MCM3AP: variants seen among roughly 807,000 people sequenced by gnomAD.
MCM3AP encodes minichromosome maintenance complex component 3 associated protein.
MCM3AP carries 126 observed loss-of-function variants against 184.1 expected under a neutral mutation model. The observed-to-expected ratio is 0.68, with a 90% CI of 0.59 to 0.79. The LOEUF (loss-of-function observed/expected upper bound fraction) is 0.79, where lower values mean the gene tolerates loss of function less well. MCM3AP is among the 30% of genes least tolerant of loss of function. The pLI, the probability that MCM3AP is intolerant of heterozygous loss-of-function variation, is 0.00. For synonymous variants in MCM3AP, 1,002 were observed against 979.3 expected, an observed-to-expected ratio of 1.02 and a Z score of -0.43; for missense variants, 2,496 against 2,479.2, an observed-to-expected ratio of 1.01 and a Z score of -0.14.
In MCM3AP at chr21:46,265,943, G is replaced by A; in HGVS notation, c.3013C>T (p.Pro1005Ser). ...AAELPVSTQRPGSDTVGGGRG... is the reference protein window; with the variant it reads ...AAELPVSTQRSGSDTVGGGRG... ...CACTCACCCACTGTGTCGGAGCCGG[G>A]TCTCTGGGTGCTGACGGGCAGCTCC... Residue 1005 changes from proline (P) to serine (S), a missense_variant, in exon 11 of 28, where the codon CCC becomes TCC. This residue lies in a region of MCM3AP where 1,323 missense variants were observed against 1,273.4 expected (regional missense o/e 1.04). Transcript: ENST00000291688. The A allele has an allele frequency of 1.3e-6, 2 of 1,588,366 alleles. No homozygotes were observed. Among genetic ancestry groups the A allele is most frequent in the Admixed American group, 1.7e-5 (1 of 58,862 alleles).
intron 13 of MCM3AP, among the ~76,000 whole-genome samples, chr21:46,262,990 A>G (rs1040080515): frequency 7.1e-6 from 1 of 140,878 alleles, no homozygotes; most frequent in Admixed American, 7.2e-5. Flanking sequence ...AAAAAAAAAG[A>G]AATGGAAAAC....
At chr21:46,262,558 G>A (rs2081053619) in intron 13 of MCM3AP, among the ~76,000 whole-genome samples, 1 of 152,058 alleles carries the variant, frequency 6.6e-6, no homozygotes, top group South Asian at 2.1e-4. Context: ...TGAGGTGAGA[G>A]GATGGCTTGA....
Position 46,267,041 on chromosome 21 carries a change from G to C in MCM3AP, c.2730C>G (p.Phe910Leu). The C allele has an allele frequency of 1.9e-6, 3 of 1,614,206 alleles. No homozygotes were observed. Among genetic ancestry groups the C allele is most frequent in the Non-Finnish European group, 2.5e-6 (3 of 1,180,048 alleles). The part of the protein sequence containing the change: ...PLDGVVRMLL[F>L]RDCEEATDFL... ...AGTCGGTGGCCTCTTCACAGTCTCT[G>C]AACAGCAGCATGCGCACCACACCAT... Residue 910 changes from phenylalanine to leucine, a missense_variant, in exon 10 of 28, where the codon TTC (phenylalanine) becomes TTG (leucine). Around this residue, in one of 5 missense-constraint regions of MCM3AP, gnomAD observed 138 missense variants for 191.9 expected, o/e 0.72. Coordinates refer to ENST00000291688, the MANE Select transcript of MCM3AP (RefSeq NM_003906.5).
Position 46,280,139 on chromosome 21 carries a change from T to C in MCM3AP, c.1523-2A>G. ...GGGAAAAGGGTTTCTTATTGGGGCCTGTGGACATAGGAGGCAGAAAAGAGT... is the reference window on the plus strand; with the variant it reads ...GGGAAAAGGGTTTCTTATTGGGGCCCGTGGACATAGGAGGCAGAAAAGAGT... On this transcript the variant is annotated splice_acceptor_variant, in intron 3 of 27. Transcript: ENST00000291688. LOFTEE classifies it high-confidence loss of function. The C allele has an allele frequency of 6.2e-7, 1 of 1,613,962 alleles. No individual in the cohort carries two copies. The highest frequency in any genetic ancestry group is 8.5e-7 in the Non-Finnish European group (1 of 1,179,942).
rs113149459 is a variant in MCM3AP at position 46,277,923 on chromosome 21, T to C, written c.1668-206A>G. 8.2e-3 allele frequency among the ~76,000 whole-genome samples: 1,247 copies of C among 152,294 alleles called. 8 individuals are homozygous for C. Among genetic ancestry groups the C allele is most frequent in the Non-Finnish European group, 9.3e-3 (630 of 68,028 alleles). On this transcript the variant is annotated intron_variant, in intron 4 of 27. Coordinates refer to ENST00000291688, the MANE Select transcript of MCM3AP (RefSeq NM_003906.5). Reference sequence around the variant, plus strand: ...ATTACTCACTGACTTTAATATAATTTTGAAATATTTCATACTTTTGAAAAA... The same window carrying C: ...ATTACTCACTGACTTTAATATAATTCTGAAATATTTCATACTTTTGAAAAA...
chr21:46,245,200 GAGAAGAA>G lies in MCM3AP; in HGVS notation c.4648-10_4648-4del, dbSNP rs753614241. ...AGCCACTGCACTGCTTGCAAAACCT[GAGAAGAA>G]AGAAGAGACTTGGTTGAACAATTCA... On this transcript the variant is annotated splice_region_variant and splice_polypyrimidine_tract_variant and intron_variant, in intron 22 of 27. Transcript: ENST00000291688. 30 of 1,575,614 alleles carry G rather than the reference GAGAAGAA, an allele frequency of 1.9e-5. No homozygotes were observed. Among genetic ancestry groups the G allele is most frequent in the African/African-American group, 2.8e-5 (2 of 70,196 alleles).
chr21:46,252,004 G>A (rs539558828), intron 19 of MCM3AP: 16 of 192,980 alleles, frequency 8.3e-5, no homozygotes, highest in African/African-American at 3.3e-4. Flanking sequence ...CTACAGGCAC[G>A]GGCCACCATG....
chr21:46,254,904 G>A (rs1601509065), intron 17 of MCM3AP, 60 bp from the exon 18 acceptor site: 5 of 1,243,446 alleles, frequency 4.0e-6, no homozygotes, highest in Non-Finnish European at 5.9e-6. Context: ...GTACTGGCTA[G>A]TGTCCCCTGG....
rs778025438 is a variant in MCM3AP, at chr21:46,267,033, C to G, written c.2738G>C (p.Cys913Ser). The change falls in exon 10 of 28, where the codon TGT becomes TCT. Residue 913 changes from cysteine to serine, a missense_variant. Transcript: ENST00000291688. ...GGTGAGGAAGTCGGTGGCCTCTTCA[C>G]AGTCTCTGAACAGCAGCATGCGCAC... is the stretch of plus-strand genomic sequence containing the variant. ...GVVRMLLFRD[C>S]EEATDFLTCH... is the part of the protein sequence containing the mutation. The G allele has an allele frequency of 1.9e-6, 3 of 1,614,092 alleles. No individual in the cohort carries two copies. The highest frequency in any genetic ancestry group is 3.3e-5 in the Admixed American group (2 of 60,010).
chr21:46,249,579 C>T (rs562810387), intron 20 of MCM3AP: 1 of 449,836 alleles, frequency 2.2e-6, no homozygotes, highest in South Asian at 1.6e-5. Context: ...CTTTTTCTTT[C>T]CCCCAGCTTA....
At chr21:46,254,322 G>A in intron 19 of MCM3AP, 70 bp downstream of exon 19, 1 of 1,569,928 alleles carries the variant, frequency 6.4e-7, no homozygotes, top group Non-Finnish European at 8.8e-7. Context: ...GGAATACCCG[G>A]CCCTGGCCCA....
chr21:46,254,921 C>T, intron 17 of MCM3AP, 77 bp from the exon 18 acceptor site: 1 of 1,024,404 alleles, frequency 9.8e-7, no homozygotes. Context: ...CTGGGGAATA[C>T]TCAGGAGACT....
Position 46,260,870 on chromosome 21 carries a change from C to G in MCM3AP, c.3504G>C (p.Leu1168=). 1 of 1,614,132 alleles carries G rather than the reference C, an allele frequency of 6.2e-7. No individual in the cohort carries two copies. The highest frequency in any genetic ancestry group is 8.5e-7 in the Non-Finnish European group (1 of 1,179,960). The change falls in exon 15 of 28, where the codon CTG becomes CTC. Residue 1168 remains leucine, a synonymous_variant. Transcript: ENST00000291688. ...TCAGCTCCACGGCCAGGCCCTGGCT[C>G]AGCTCACTTAACACCAGCTCTCTCT... is the stretch of plus-strand genomic sequence containing the variant. ...KQERELVLSE[L]SQGLAVELME...
chr21:46,242,791 A>G lies in MCM3AP; in HGVS notation c.5426+11T>C, dbSNP rs773172234. On this transcript the variant is annotated intron_variant, in intron 25 of 27. Coordinates refer to ENST00000291688, the MANE Select transcript of MCM3AP (RefSeq NM_003906.5). ...AGCAAGCAACAGAAACATACTGAAC[A>G]TGAACCTCACCGTCCCTCTCTCAGC... The G allele has an allele frequency of 3.7e-6, 6 of 1,601,738 alleles. No homozygotes were observed. In the South Asian group the frequency reaches 4.5e-5, roughly 12 times the overall value.
intron 19 of MCM3AP, chr21:46,254,146 A>G (rs1227000331): frequency 5.6e-6 from 3 of 536,844 alleles, no homozygotes; most frequent in Non-Finnish European, 1.0e-5. Flanking sequence ...CCAGTCTCAG[A>G]TATTTCTTTA....
intron 15 of MCM3AP, 66 bp downstream of exon 15, chr21:46,260,727 G>A: frequency 8.6e-7 from 1 of 1,163,208 alleles, no homozygotes. Context: ...AGTGGTGCAA[G>A]ACACAGCCTA....
In MCM3AP at chr21:46,280,103, C is replaced by T; in HGVS notation, c.1557G>A (p.Lys519=). 3.7e-6 allele frequency: 6 copies of T among 1,614,236 alleles called. No homozygotes were observed. The highest frequency in any genetic ancestry group is 5.1e-6 in the Non-Finnish European group (6 of 1,180,040). Residue 519 remains lysine (K), a synonymous_variant, in exon 4 of 28, where the codon AAG becomes AAA. Transcript: ENST00000291688. The stretch of plus-strand genomic sequence containing the variant: ...GGCTGACTTCACCGTCACCTGGTTT[C>T]TTCTCCTTCAGGGAAAAGGGTTTCT... ...PNKKPFSLKE[K]KPGDGEVSPS...
At position 46,243,663 on chromosome 21, in the gene MCM3AP, G is replaced by C. The variant is rs568649385; in HGVS notation, c.5098C>G (p.Arg1700Gly). ...VQYASQIPSS[R>G]QTQPVLQSQV... is the part of the protein sequence containing the mutation. ...GACTGGAGGACAGGCTGTGTCTGGCGTGAGCTGGGGATCTGGGAGGCGTAC... is the reference window on the plus strand; with the variant it reads ...GACTGGAGGACAGGCTGTGTCTGGCCTGAGCTGGGGATCTGGGAGGCGTAC... The change falls in exon 24 of 28, where the codon CGC becomes GGC. Residue 1700 changes from arginine to glycine, a missense_variant. Around this residue, in one of 5 missense-constraint regions of MCM3AP, gnomAD observed 1,323 missense variants for 1,273.4 expected, o/e 1.04. Coordinates refer to ENST00000291688, the MANE Select transcript of MCM3AP (RefSeq NM_003906.5). 1 of 1,614,230 alleles carries C rather than the reference G, an allele frequency of 6.2e-7. No individual in the cohort carries two copies. The highest frequency in any genetic ancestry group is 2.2e-5 in the East Asian group (1 of 44,896).
In MCM3AP at chr21:46,260,888, C is replaced by G. The variant is rs771242004; in HGVS notation, c.3486G>C (p.Glu1162Asp). ...CCTGGCTCAGCTCACTTAACACCAG[C>G]TCTCTCTCTTGTTTCAACCTACAGG... ...AEEERLKQER[E>D]LVLSELSQGL... Residue 1162 changes from glutamate to aspartate, a missense_variant, in exon 15 of 28, where the codon GAG becomes GAC. By Grantham distance (45) the Glu-to-Asp change is conservative. Around this residue, in one of 5 missense-constraint regions of MCM3AP, gnomAD observed 1,323 missense variants for 1,273.4 expected, o/e 1.04. Transcript: ENST00000291688. 3 of 1,612,856 alleles carry G rather than the reference C, an allele frequency of 1.9e-6. No individual in the cohort carries two copies. The highest frequency in any genetic ancestry group is 2.5e-6 in the Non-Finnish European group (3 of 1,178,816).
Sources: allele counts gnomAD v4.1 joint callset (sites outside exome capture counted in the v4.1 genomes callset), GRCh38; gene constraint gnomAD v4.1.1; regional missense constraint gnomAD v4.1.1; transcripts MANE v1.5; gene names NCBI Gene and HGNC (gene_info 2026-07-23, HGNC 2026-07-21).